Variants in ANK2 observed in about 807,000 individuals in gnomAD.
The protein encoded by ANK2 is ankyrin 2.
In ANK2, 83 loss-of-function variants were observed where a neutral mutation model predicts 360.5. The ratio of observed to expected loss-of-function variants is 0.23; its 90% CI spans 0.19 to 0.28. The LOEUF (loss-of-function observed/expected upper bound fraction) is 0.28. ANK2 is among the 10% of genes least tolerant of loss of function. ANK2 has a pLI of 1.00. For synonymous variants in ANK2, 1,740 were observed against 1,759.5 expected (o/e 0.99, Z 0.28); for missense variants, 4,201 against 4,795.7 (o/e 0.88, Z 3.66).
chr4:113,311,228 C>A (rs1306508936), intron 23 of ANK2, 27 bp from the exon 24 acceptor site: 1 of 1,613,940 alleles, frequency 6.2e-7, no homozygotes, highest in Admixed American at 1.7e-5. Flanking sequence ...AAGAAATAAT[C>A]CTGCTTCTTC....
intron 25 of ANK2, 22 bp downstream of exon 25, chr4:113,317,831 T>C (rs776795374): frequency 6.3e-7 from 1 of 1,583,378 alleles, no homozygotes; most frequent in Non-Finnish European, 8.7e-7. Flanking sequence ...TTTGCCTTCA[T>C]GTCTTTGCTT....
intron 2 of ANK2, among the ~76,000 whole-genome samples, chr4:112,914,195 C>T (rs149595603): frequency 2.1e-3 from 316 of 152,208 alleles, no homozygotes; most frequent in Middle Eastern, 6.8e-3. Flanking sequence ...CTGTAATTTA[C>T]GTATCTAAAT....
chr4:112,898,875 G>T (rs540406255), intron 1 of ANK2, among the ~76,000 whole-genome samples: 1 of 152,242 alleles, frequency 6.6e-6, no homozygotes, highest in South Asian at 2.1e-4. Context: ...ATTTTTCTCT[G>T]GGATGTGTCA....
At position 112,966,295 on chromosome 4, in the gene ANK2, A is replaced by G. The variant is rs183080311; in HGVS notation, c.21+61781A>G. Among the ~76,000 whole-genome samples, 67 of 151,778 alleles carry G rather than the reference A, an allele frequency of 4.4e-4. No individual in the cohort carries two copies. The East Asian group carries it at 8.0e-3, about 18-fold the overall frequency. ...TAAAAAATTGAAATATACTAAAATA[A>G]TTCTTGTTTATGCAATTCGAGCATA... On this transcript the variant is annotated intron_variant, in intron 2 of 30. Transcript: ENST00000503271.
the ANK2 span, among the ~76,000 whole-genome samples, chr4:112,792,300 C>T: frequency 6.6e-6 from 1 of 152,074 alleles, no homozygotes; most frequent in Non-Finnish European, 1.5e-5. Flanking sequence ...CTCAGCCTCC[C>T]AAAGTGCTGG....
At chr4:112,941,919 C>T (rs1439436043) in intron 2 of ANK2, among the ~76,000 whole-genome samples, 1 of 150,752 alleles carries the variant, frequency 6.6e-6, no homozygotes, top group Non-Finnish European at 1.5e-5. Flanking sequence ...GGACCTACTT[C>T]ATAAGGTTGT....
At chr4:112,854,500 G>A (rs917344510) in intron 1 of ANK2, among the ~76,000 whole-genome samples, 1 of 152,168 alleles carries the variant, frequency 6.6e-6, no homozygotes, top group Non-Finnish European at 1.5e-5. Context: ...TGGTGGCAGG[G>A]AGGCAGGGAC....
At chr4:113,100,360 A>G (rs561789866) in intron 1 of ANK2, among the ~76,000 whole-genome samples, 8 of 152,136 alleles carry the variant, frequency 5.3e-5, no homozygotes, top group Non-Finnish European at 1.2e-4. Flanking sequence ...ATGGCAAAAG[A>G]TGCATATGAA....
intron 1 of ANK2, among the ~76,000 whole-genome samples, chr4:112,852,812 G>A (rs1186555387): frequency 6.6e-6 from 1 of 152,178 alleles, no homozygotes; most frequent in Admixed American, 6.6e-5. Flanking sequence ...ATAACACATG[G>A]CCTCAATCAA....
At chr4:112,945,015 G>A (rs768972656) in intron 2 of ANK2, among the ~76,000 whole-genome samples, 13 of 152,192 alleles carry the variant, frequency 8.5e-5, no homozygotes, top group South Asian at 4.1e-4. Flanking sequence ...AATGGGCTAC[G>A]TTGTGCTGTA....
At chr4:112,863,082 A>C (rs1399489270) in intron 1 of ANK2, among the ~76,000 whole-genome samples, 2 of 152,162 alleles carry the variant, frequency 1.3e-5, no homozygotes, top group Non-Finnish European at 2.9e-5. Context: ...TGTGTAGAAC[A>C]AAGGATTAGG....
intron 1 of ANK2, chr4:113,160,476 T>C: frequency 4.3e-6 from 1 of 234,718 alleles, no homozygotes; most frequent in Non-Finnish European, 8.8e-6. Context: ...AGTGTTAAAA[T>C]TTAGTAAGTC....
rs1392442109 is a variant in ANK2, at chr4:112,855,594, G to A, written c.-40+37330G>A. Among the ~76,000 whole-genome samples, 8 of 152,110 alleles carry A rather than the reference G, an allele frequency of 5.3e-5. No individual in the cohort carries two copies. The South Asian group carries it at 1.5e-3, about 28-fold the overall frequency. On this transcript the variant is annotated intron_variant, in intron 1 of 30. Coordinates refer to the ANK2 transcript ENST00000503271. ...TACCTGTAATGATAGTAACTAATAC[G>A]TATCTAGTATTTACTATATGCCAGG...
In ANK2 at chr4:113,356,285, A is replaced by G; in HGVS notation, c.7667A>G (p.Asp2556Gly). ...VSYEVTPKTT[D>G]VSTPKPAVIH... is the part of the protein sequence containing the mutation. ...TATGAGGTTACACCCAAAACCACAG[A>G]TGTAAGTACACCAAAACCAGCTGTG... The change falls in exon 38 of 46, where the codon GAT becomes GGT. Residue 2556 changes from aspartate (D) to glycine (G), a missense_variant. Around this residue, in one of 4 missense-constraint regions of ANK2, gnomAD observed 2,642 missense variants for 2,714.5 expected, o/e 0.97. Transcript: ENST00000357077. The G allele has an allele frequency of 6.2e-7, 1 of 1,614,176 alleles. No homozygotes were observed. Among genetic ancestry groups the G allele is most frequent in the African/African-American group, 1.3e-5 (1 of 75,052 alleles).
At chr4:112,950,582 T>G (rs2094884092) in intron 2 of ANK2, among the ~76,000 whole-genome samples, 1 of 148,952 alleles carries the variant, frequency 6.7e-6, no homozygotes, top group Admixed American at 6.7e-5. Flanking sequence ...AGGTGGAGGT[T>G]GCAGTGAGCC....
the ANK2 span, among the ~76,000 whole-genome samples, chr4:112,803,387 C>G: frequency 6.6e-6 from 1 of 152,006 alleles, no homozygotes; most frequent in Non-Finnish European, 1.5e-5. Context: ...AGGAGGCAGG[C>G]AGAAGGGCAG....
At chr4:113,329,576 G>A (rs1348655930) in intron 26 of ANK2, among the ~76,000 whole-genome samples, 2 of 152,104 alleles carry the variant, frequency 1.3e-5, no homozygotes, top group Non-Finnish European at 2.9e-5. Context: ...AATGGTGTAT[G>A]GGCGGGCCTA....
chr4:113,304,378 T>C (rs2076298096), intron 23 of ANK2, among the ~76,000 whole-genome samples: 1 of 152,216 alleles, frequency 6.6e-6, no homozygotes. Flanking sequence ...CTAATACTAA[T>C]CTGTTTCTTT....
the ANK2 span, among the ~76,000 whole-genome samples, chr4:112,743,621 C>A: frequency 6.9e-6 from 1 of 144,492 alleles, no homozygotes; most frequent in South Asian, 2.2e-4. Context: ...CGGCTCACTG[C>A]AACCTCTGCC....
Sources: gnomAD v4.1 joint callset for allele counts (sites outside exome capture counted in the v4.1 genomes callset) on GRCh38, gnomAD v4.1.1 for gene constraint, gnomAD v4.1.1 regional missense constraint, MANE v1.5 for transcripts, NCBI Gene and HGNC (gene_info 2026-07-23, HGNC 2026-07-21) for gene names.